BCL2: variants seen among roughly 807,000 people sequenced by gnomAD.
The protein encoded by BCL2 is apoptosis regulator Bcl-2.
A neutral mutation model predicts 14.2 loss-of-function variants in BCL2; 1 was observed. The ratio of observed to expected loss-of-function variants is 0.07; its 90% CI spans 0.02 to 0.33. The LOEUF is 0.33. Ranked by LOEUF, BCL2 falls within the 10% of genes least tolerant of loss-of-function variation. The pLI, the probability that BCL2 is intolerant of heterozygous loss-of-function variation, is 0.99. For missense variants in BCL2, 247 were observed against 305.9 expected (o/e 0.81, Z 1.44); for synonymous variants, 151 against 137.2 (o/e 1.10, Z -0.70).
chr18:63,250,535 C>A (rs1461648968), intron 2 of BCL2, among the ~76,000 whole-genome samples: 1 of 152,162 alleles, frequency 6.6e-6, no homozygotes, highest in Non-Finnish European at 1.5e-5. Flanking sequence ...TCATTGTATA[C>A]ACAAAAGCAT....
chr18:63,139,512 T>A lies in BCL2; in HGVS notation c.586-10753A>T, dbSNP rs140459966. On this transcript the variant is annotated intron_variant, in intron 2 of 2. Transcript: ENST00000333681. ...ACTGCTTGGTAATATTCCCAGTGGC[T>A]TCCATGGGCCTGATAATTTTCTTAG... Among the ~76,000 whole-genome samples, 362 of 152,308 alleles carry A rather than the reference T, an allele frequency of 2.4e-3. 3 individuals carry two copies. The highest frequency in any genetic ancestry group is 8.1e-3 in the African/African-American group (338 of 41,558).
At chr18:63,294,122 A>G (rs1489697225) in intron 2 of BCL2, among the ~76,000 whole-genome samples, 2 of 152,162 alleles carry the variant, frequency 1.3e-5, no homozygotes, top group Non-Finnish European at 2.9e-5. Flanking sequence ...CTTGGTATGT[A>G]GACCAAACCT....
Position 63,125,360 on chromosome 18 carries a change from C to T in BCL2, c.*3265G>A, listed in dbSNP as rs1443601843. 11 of 224,530 alleles carry T rather than the reference C, an allele frequency of 4.9e-5. No individual in the cohort carries two copies. The highest frequency in any genetic ancestry group is 1.8e-4 in the South Asian group (1 of 5,464). The allele number at this position is 224,530 out of a possible 1,614,324, so 13.9% of individuals were successfully genotyped here. A position where few individuals can be genotyped will look rare whatever the true frequency, so the allele number is the denominator to read the frequency against. The stretch of plus-strand genomic sequence containing the variant: ...TCTGCCCCTGCCAAATCTTCGGAGA[C>T]GACCCGATGGCCATAGACCCTGTCA... On this transcript the variant is annotated 3_prime_UTR_variant, in exon 3 of 3. Coordinates refer to ENST00000333681, the MANE Select transcript of BCL2 (RefSeq NM_000633.3).
chr18:63,279,027 A>G (rs1912235548), intron 2 of BCL2, among the ~76,000 whole-genome samples: 1 of 152,240 alleles, frequency 6.6e-6, no homozygotes. Context: ...AATTCACAGC[A>G]TTCATATAAC....
intron 2 of BCL2, among the ~76,000 whole-genome samples, chr18:63,239,173 T>G (rs1291047333): frequency 6.6e-6 from 1 of 152,198 alleles, no homozygotes. Flanking sequence ...CAGGATTATA[T>G]TCTAAAACAA....
In BCL2 at chr18:63,149,219, T is replaced by G. The variant is rs1449285728; in HGVS notation, c.586-20460A>C. ...TTCCACGAATGGGGTGGGGGATCAT[T>G]TCAGGATGAAACTGTTCCAACACAG... is the stretch of plus-strand genomic sequence containing the variant. On this transcript the variant is annotated intron_variant, in intron 2 of 2. Coordinates refer to ENST00000333681, the MANE Select transcript of BCL2 (RefSeq NM_000633.3). This position sits in a 1 kb window ranked among gnomAD's most constrained non-coding sequence, Gnocchi z 4.2. Among the ~76,000 whole-genome samples, 1 of 152,198 alleles carries G rather than the reference T, an allele frequency of 6.6e-6. No individual in the cohort carries two copies. Among genetic ancestry groups the G allele is most frequent in the Non-Finnish European group, 1.5e-5 (1 of 68,032 alleles).
chr18:63,159,397 A>C (rs1174341253), intron 2 of BCL2, among the ~76,000 whole-genome samples: 1 of 152,154 alleles, frequency 6.6e-6, no homozygotes, highest in African/African-American at 2.4e-5. Context: ...TCTATGTTTT[A>C]TTTTTCCTGT....
At chr18:63,168,701 G>C (rs971765246) in intron 2 of BCL2, among the ~76,000 whole-genome samples, 1 of 152,194 alleles carries the variant, frequency 6.6e-6, no homozygotes, top group Non-Finnish European at 1.5e-5. Flanking sequence ...GGACTGCTCC[G>C]TTTATTGGTA....
At chr18:63,252,201 A>T (rs1340408843) in intron 2 of BCL2, among the ~76,000 whole-genome samples, 1 of 152,210 alleles carries the variant, frequency 6.6e-6, no homozygotes, top group African/African-American at 2.4e-5. Flanking sequence ...AGATTATTAG[A>T]TATAGTGAAG....
chr18:63,297,454 A>G (rs756288862), intron 2 of BCL2, among the ~76,000 whole-genome samples: 1 of 152,182 alleles, frequency 6.6e-6, no homozygotes, highest in Non-Finnish European at 1.5e-5. Flanking sequence ...GATTGGCCAC[A>G]TTACGTGAGC....
chr18:63,229,847 C>T (rs144931787), intron 2 of BCL2, among the ~76,000 whole-genome samples: 2,139 of 152,322 alleles, frequency 0.014, 25 homozygotes, highest in Non-Finnish European at 0.021. Flanking sequence ...CTTCTTTATC[C>T]TCCTGCAAGG....
intron 2 of BCL2, among the ~76,000 whole-genome samples, chr18:63,230,702 A>C (rs1365436674): frequency 6.6e-6 from 1 of 152,106 alleles, no homozygotes; most frequent in Non-Finnish European, 1.5e-5. Flanking sequence ...TAAAGCAATA[A>C]ATCTAAAAAC....
chr18:63,176,706 C>G (rs765089566), intron 2 of BCL2, among the ~76,000 whole-genome samples: 31 of 152,136 alleles, frequency 2.0e-4, no homozygotes, highest in Admixed American at 3.3e-4. Flanking sequence ...GGATACTCAT[C>G]ACCTCACTTA....
chr18:63,180,156 C>G (rs966597263), intron 2 of BCL2, among the ~76,000 whole-genome samples: 1 of 152,232 alleles, frequency 6.6e-6, no homozygotes, highest in Non-Finnish European at 1.5e-5. Context: ...CCTTCCAAAC[C>G]CACTACACAT....
intron 2 of BCL2, among the ~76,000 whole-genome samples, chr18:63,233,616 T>C (rs1910744547): frequency 6.6e-6 from 1 of 152,156 alleles, no homozygotes; most frequent in Non-Finnish European, 1.5e-5. Flanking sequence ...CCGTGGCTGA[T>C]CTGACAGGAG....
chr18:63,224,158 T>C (rs986644783), intron 2 of BCL2, among the ~76,000 whole-genome samples: 1 of 148,542 alleles, frequency 6.7e-6, no homozygotes, highest in Non-Finnish European at 1.5e-5. Context: ...ACAAAAAGAG[T>C]GAAAAAAGAT....
chr18:63,193,578 A>ATGTG (rs199892771), intron 2 of BCL2, among the ~76,000 whole-genome samples: 14 of 133,016 alleles, frequency 1.1e-4, no homozygotes, highest in South Asian at 2.6e-4. Flanking sequence ...GCGGAGTAGT[A>ATGTG]TGTATGTGTG....
intron 2 of BCL2, among the ~76,000 whole-genome samples, chr18:63,297,453 C>CA (rs1353869101): frequency 6.6e-6 from 1 of 152,184 alleles, no homozygotes; most frequent in East Asian, 1.9e-4. Context: ...AGATTGGCCA[C>CA]ATTACGTGAG....
At chr18:63,307,818 CAA>C (rs1335401863) in intron 2 of BCL2, among the ~76,000 whole-genome samples, 1 of 152,132 alleles carries the variant, frequency 6.6e-6, no homozygotes, top group Non-Finnish European at 1.5e-5. Context: ...ACTGAAGAAA[CAA>C]GAGGGAGGAA....
Sources: gnomAD v4.1 joint callset for allele counts (sites outside exome capture counted in the v4.1 genomes callset) on GRCh38, gnomAD v4.1.1 for gene constraint, Gnocchi (gnomAD v3.1) non-coding constraint, MANE v1.5 for transcripts, NCBI Gene and HGNC (gene_info 2026-07-23, HGNC 2026-07-21) for gene names.